The following BMX variants were observed in gnomAD, a reference collection of about 807,000 sequenced individuals.
The protein encoded by BMX is BMX non-receptor tyrosine kinase.
A neutral mutation model predicts 59.2 loss-of-function variants in BMX; 31 were observed. That is an observed-to-expected ratio of 0.52 (90% CI 0.39 to 0.71). The LOEUF (loss-of-function observed/expected upper bound fraction) is 0.71. BMX is among the 30% of genes least tolerant of loss of function. The probability of loss-of-function intolerance (pLI) is 0.00; values close to 1 mark genes in which losing one functional copy is unlikely to be tolerated. For missense variants in BMX, 474 were observed against 491.7 expected (o/e 0.96, Z 0.34); for synonymous variants, 185 against 181.0 (o/e 1.02, Z -0.18).
intron 12 of BMX, among the ~76,000 whole-genome samples, chrX:15,534,557 G>A: frequency 9.0e-6 from 1 of 111,053 alleles, no homozygotes; most frequent in Non-Finnish European, 1.9e-5. Flanking sequence ...TGAGTAAACT[G>A]GGTGACTTAG....
intron 1 of BMX, among the ~76,000 whole-genome samples, chrX:15,502,885 C>G (rs1457891678): frequency 6.3e-5 from 7 of 111,626 alleles, no homozygotes; most frequent in Non-Finnish European, 1.3e-4. Flanking sequence ...CCTCCAGTTT[C>G]CCTTCCAGAT....
At chrX:15,536,812 T>C (rs1925378854) in intron 13 of BMX, among the ~76,000 whole-genome samples, 1 of 111,022 alleles carries the variant, frequency 9.0e-6, no homozygotes, top group Admixed American at 9.7e-5. Context: ...AATCTGACAA[T>C]GTTTTACCAA....
chrX:15,539,076 C>T (rs1925523060), intron 14 of BMX, among the ~76,000 whole-genome samples: 1 of 111,059 alleles, frequency 9.0e-6, no homozygotes. Context: ...CTGGTTCTGC[C>T]TTCAGTGATT....
intron 8 of BMX, among the ~76,000 whole-genome samples, chrX:15,525,741 T>C (rs1383989055): frequency 8.9e-6 from 1 of 112,183 alleles, no homozygotes; most frequent in Non-Finnish European, 1.9e-5. Flanking sequence ...TCTTCATCTA[T>C]TTCGTGAGCC....
chrX:15,535,607 T>G, intron 12 of BMX, among the ~76,000 whole-genome samples: 1 of 112,045 alleles, frequency 8.9e-6, no homozygotes, highest in Non-Finnish European at 1.9e-5. Context: ...ATTTTTATAA[T>G]TCACACCAAA....
chrX:15,549,080 A>C (rs1424100816), intron 17 of BMX, among the ~76,000 whole-genome samples: 1 of 111,460 alleles, frequency 9.0e-6, no homozygotes, highest in Non-Finnish European at 1.9e-5. Flanking sequence ...CCTGTAAGTG[A>C]CAGAAGTCAA....
At chrX:15,531,450 A>G (rs41311507) in intron 11 of BMX, 43 bp downstream of exon 11, 53 of 1,019,551 alleles carry the variant, frequency 5.2e-5, no homozygotes, top group African/African-American at 4.3e-4. Flanking sequence ...TTCTGCGTAT[A>G]TTCTTTGAAT....
chrX:15,546,942 G>A (rs770601292), intron 17 of BMX, 21 bp downstream of exon 17: 21 of 1,140,535 alleles, frequency 1.8e-5, no homozygotes, highest in Admixed American at 9.1e-5. Flanking sequence ...GGCCACATAC[G>A]ACCTGGCCCT....
chrX:15,525,321 C>T lies in BMX; in HGVS notation c.786C>T (p.Asn262=). 2 of 1,209,345 alleles carry T rather than the reference C, an allele frequency of 1.7e-6. No homozygotes were observed. The highest frequency in any genetic ancestry group is 3.5e-5 in the South Asian group (2 of 56,556). The change falls in exon 8 of 19, where the codon AAC becomes AAT. Residue 262 remains asparagine (N), a synonymous_variant. Coordinates refer to ENST00000348343, the MANE Select transcript of BMX (RefSeq NM_203281.3). ...GCAGTGAAGATGTTGCAAGCAGTAACCAAAAAGAAAGAAATGTGAATCACA... is the reference window on the plus strand; with the variant it reads ...GCAGTGAAGATGTTGCAAGCAGTAATCAAAAAGAAAGAAATGTGAATCACA... ...SSSSEDVASS[N]QKERNVNHTT...
At chrX:15,505,738 A>G (rs1351934795) in intron 1 of BMX, among the ~76,000 whole-genome samples, 2 of 111,392 alleles carry the variant, frequency 1.8e-5, no homozygotes, top group African/African-American at 3.3e-5. Context: ...TTACTGGAGA[A>G]GGTGCTTGAG....
chrX:15,535,752 A>G (rs1385175831), intron 12 of BMX, among the ~76,000 whole-genome samples: 1 of 67,830 alleles, frequency 1.5e-5, no homozygotes, highest in Non-Finnish European at 3.0e-5. Context: ...GAAGGAGGGG[A>G]AAAGTACATG....
chrX:15,519,372 A>C (rs1246942199), intron 6 of BMX, among the ~76,000 whole-genome samples: 1 of 112,421 alleles, frequency 8.9e-6, no homozygotes, highest in Non-Finnish European at 1.9e-5. Context: ...TGTCCCCCAA[A>C]TTTCATATCC....
chrX:15,516,243 T>C lies in BMX; in HGVS notation c.445+12T>C. The C allele has an allele frequency of 8.3e-7, 1 of 1,207,157 alleles. No individual in the cohort carries two copies. Among genetic ancestry groups the C allele is most frequent in the South Asian group, 1.8e-5 (1 of 56,578 alleles). On this transcript the variant is annotated intron_variant, in intron 5 of 18. Coordinates refer to ENST00000348343, the MANE Select transcript of BMX (RefSeq NM_203281.3). The stretch of plus-strand genomic sequence containing the variant: ...CCTCTGGGAAGCATGTAATGTGTGA[T>C]TCCTCTGTTGGACTGGACGTTGGGT...
chrX:15,514,681 G>A (rs1924081836), intron 4 of BMX, among the ~76,000 whole-genome samples: 2 of 112,078 alleles, frequency 1.8e-5, no homozygotes, highest in Admixed American at 1.9e-4. Flanking sequence ...ATAGATTACA[G>A]TTTCATTTAT....
At chrX:15,541,630 C>T (rs971607449) in intron 14 of BMX, among the ~76,000 whole-genome samples, 2 of 111,308 alleles carry the variant, frequency 1.8e-5, no homozygotes, top group African/African-American at 6.5e-5. Context: ...GGTGTGGCTT[C>T]CTCTAAATAA....
intron 16 of BMX, among the ~76,000 whole-genome samples, chrX:15,545,404 TC>T (rs1925899610): frequency 8.9e-6 from 1 of 112,570 alleles, no homozygotes; most frequent in Non-Finnish European, 1.9e-5. Context: ...GCATCTTTTC[TC>T]CCCTGATTCT....
intron 11 of BMX, among the ~76,000 whole-genome samples, chrX:15,532,639 G>A (rs1470902704): frequency 1.8e-5 from 2 of 112,020 alleles, no homozygotes; most frequent in African/African-American, 6.5e-5. Flanking sequence ...CCTTCCCCAT[G>A]TGCCCTACCC....
chrX:15,524,977 A>G (rs949071934), intron 7 of BMX, among the ~76,000 whole-genome samples: 4 of 112,327 alleles, frequency 3.6e-5, no homozygotes, highest in Non-Finnish European at 7.5e-5. Context: ...TTGCATATAT[A>G]TAAGAAAATC....
intron 14 of BMX, among the ~76,000 whole-genome samples, chrX:15,540,310 T>C (rs935200871): frequency 2.7e-5 from 3 of 110,188 alleles, no homozygotes; most frequent in Admixed American, 9.7e-5. Context: ...AAACCATCAT[T>C]CTCAGCAAAC....
Sources: gnomAD v4.1 joint callset for allele counts (sites outside exome capture counted in the v4.1 genomes callset) on GRCh38, gnomAD v4.1.1 for gene constraint, MANE v1.5 for transcripts, NCBI Gene and HGNC (gene_info 2026-07-23, HGNC 2026-07-21) for gene names.